The following COMMD1 variants were observed in gnomAD, a reference collection of about 807,000 sequenced individuals.
COMMD1 encodes COMM domain-containing protein 1.
In COMMD1, 10 loss-of-function variants were observed where a neutral mutation model predicts 17.2. The ratio of observed to expected loss-of-function variants is 0.58; its 90% CI spans 0.36 to 0.99. The LOEUF (loss-of-function observed/expected upper bound fraction) is 0.99. Ranked by LOEUF, COMMD1 falls within the 50% of genes least tolerant of loss-of-function variation. The pLI, the probability that COMMD1 is intolerant of heterozygous loss-of-function variation, is 0.01. For missense variants in COMMD1, 270 were observed against 231.8 expected (o/e 1.17, Z -1.07); for synonymous variants, 97 against 91.6 (o/e 1.06, Z -0.34).
intron 2 of COMMD1, among the ~76,000 whole-genome samples, chr2:62,084,450 T>C (rs1671605177): frequency 6.6e-6 from 1 of 152,158 alleles, no homozygotes; most frequent in African/African-American, 2.4e-5. Flanking sequence ...TAGAAGTAGA[T>C]CCTCATAAAG....
chr2:62,080,466 C>T (rs1671485340), intron 2 of COMMD1, among the ~76,000 whole-genome samples: 1 of 152,020 alleles, frequency 6.6e-6, no homozygotes, highest in African/African-American at 2.4e-5. Context: ...TACATTTGGG[C>T]CATGTTGTGG....
At chr2:61,903,343 C>T (rs1446046719), upstream of COMMD1, among the ~76,000 whole-genome samples, 1 of 151,402 alleles carries the variant, frequency 6.6e-6, no homozygotes, top group Non-Finnish European at 1.5e-5. Context: ...ACTTGGGAGG[C>T]TGAGGCAGGA....
chr2:61,908,617 G>C (rs947811187), intron 1 of COMMD1, among the ~76,000 whole-genome samples: 1 of 151,844 alleles, frequency 6.6e-6, no homozygotes. Context: ...CCAGAGTGCA[G>C]TGGCGTGATC....
Position 62,097,339 on chromosome 2 carries a change from G to A in COMMD1, c.463-38492G>A, listed in dbSNP as rs142438041. Among the ~76,000 whole-genome samples, 12 of 152,260 alleles carry A rather than the reference G, an allele frequency of 7.9e-5. No individual in the cohort carries two copies. In the East Asian group the frequency reaches 2.1e-3, roughly 27 times the overall value. On this transcript the variant is annotated intron_variant, in intron 2 of 2. Coordinates refer to ENST00000311832, the MANE Select transcript of COMMD1 (RefSeq NM_152516.4). The stretch of plus-strand genomic sequence containing the variant: ...CAGGTCTTCGGGGCTATTGCCTTAC[G>A]TTTGGCAGGGGTTTGGATTTACTTA...
At chr2:62,129,878 A>G (rs929342769) in intron 2 of COMMD1, among the ~76,000 whole-genome samples, 1 of 152,222 alleles carries the variant, frequency 6.6e-6, no homozygotes, top group Non-Finnish European at 1.5e-5. Flanking sequence ...TTTGTGCTCA[A>G]TAAAGAGTCC....
intron 1 of COMMD1, among the ~76,000 whole-genome samples, chr2:61,909,820 G>A (rs190947871): frequency 5.9e-5 from 9 of 152,310 alleles, no homozygotes; most frequent in African/African-American, 1.2e-4. Flanking sequence ...GCGGACACAC[G>A]TGTTAACAGC....
chr2:62,131,531 C>T lies in COMMD1; in HGVS notation c.463-4300C>T, dbSNP rs148756912. Among the ~76,000 whole-genome samples the T allele has an allele frequency of 2.9e-3, 445 of 151,818 alleles. 1 individual carries two copies. Among genetic ancestry groups the T allele is most frequent in the African/African-American group, 0.01 (423 of 41,406 alleles). On this transcript the variant is annotated intron_variant, in intron 2 of 2. Transcript: ENST00000311832. ...TTTCTTTTCTTTTCTTTTTCCTTTT[C>T]CTTTCCCTTTCCCTTTCCCTTCTTT...
At chr2:62,045,222 T>C (rs749688978) in intron 2 of COMMD1, among the ~76,000 whole-genome samples, 6 of 152,070 alleles carry the variant, frequency 3.9e-5, no homozygotes, top group Non-Finnish European at 5.9e-5. Context: ...GCTGAGTCTG[T>C]CTCTGGTGGA....
At chr2:62,065,361 T>G (rs906291063) in intron 2 of COMMD1, among the ~76,000 whole-genome samples, 1 of 147,814 alleles carries the variant, frequency 6.8e-6, no homozygotes, top group Non-Finnish European at 1.5e-5. Context: ...TTTTTTTTTT[T>G]TTTAGATAGG....
rs140549625 is a variant in COMMD1 at position 61,907,354 on chromosome 2, C to T, written c.180+1496C>T. On this transcript the variant is annotated intron_variant, in intron 1 of 2. Coordinates refer to ENST00000311832, the MANE Select transcript of COMMD1 (RefSeq NM_152516.4). ...TCTCCTGACTTCGTTATCCGCCTGC[C>T]TCGGCCTCCCGGAGTGCCAGGATTA... 7.0e-3 allele frequency among the ~76,000 whole-genome samples: 1,067 copies of T among 152,320 alleles called. 13 individuals are homozygous for T. Among genetic ancestry groups the T allele is most frequent in the Middle Eastern group, 0.024 (7 of 294 alleles).
chr2:62,103,957 C>T (rs1464418420), intron 2 of COMMD1, among the ~76,000 whole-genome samples: 1 of 152,218 alleles, frequency 6.6e-6, no homozygotes, highest in East Asian at 1.9e-4. Context: ...TCTCCCACCT[C>T]AGCCTCCCAA....
At chr2:61,945,629 C>T (rs1176647785) in intron 1 of COMMD1, among the ~76,000 whole-genome samples, 1 of 152,196 alleles carries the variant, frequency 6.6e-6, no homozygotes, top group Non-Finnish European at 1.5e-5. Context: ...GACATAGCCT[C>T]AGGACGTCCT....
At chr2:62,012,270 T>TACACACACACAC (rs57739132) in intron 2 of COMMD1, among the ~76,000 whole-genome samples, 30 of 129,936 alleles carry the variant, frequency 2.3e-4, no homozygotes, top group Admixed American at 4.7e-4. Flanking sequence ...CACACACACA[T>TACACACACACAC]ACACACACAC....
At chr2:61,901,464 A>G (rs1459970948), upstream of COMMD1, among the ~76,000 whole-genome samples, 2 of 151,850 alleles carry the variant, frequency 1.3e-5, no homozygotes, top group African/African-American at 4.8e-5. Flanking sequence ...CTCCACTAAA[A>G]ATACAAAAAT....
At chr2:62,086,236 G>A (rs372540118) in intron 2 of COMMD1, among the ~76,000 whole-genome samples, 4 of 152,042 alleles carry the variant, frequency 2.6e-5, no homozygotes, top group Admixed American at 6.6e-5. Flanking sequence ...GTGGCCGGGC[G>A]CGGTGGCTCA....
intron 1 of COMMD1, among the ~76,000 whole-genome samples, chr2:61,981,768 A>C (rs1481251002): frequency 2.0e-5 from 3 of 152,136 alleles, no homozygotes; most frequent in Non-Finnish European, 4.4e-5. Context: ...TATTACGAGA[A>C]CAGCATGGGA....
At chr2:61,946,138 G>A (rs1247583009) in intron 1 of COMMD1, among the ~76,000 whole-genome samples, 1 of 152,110 alleles carries the variant, frequency 6.6e-6, no homozygotes, top group Admixed American at 6.5e-5. Context: ...TATAACTTAA[G>A]AGAAGGTTAA....
At chr2:62,059,541 C>T (rs1449051663) in intron 2 of COMMD1, among the ~76,000 whole-genome samples, 1 of 152,044 alleles carries the variant, frequency 6.6e-6, no homozygotes, top group Admixed American at 6.6e-5. Flanking sequence ...AGCCTCTCCC[C>T]ATTTTTTCCC....
intron 1 of COMMD1, among the ~76,000 whole-genome samples, chr2:61,950,856 G>A (rs903997083): frequency 2.0e-5 from 3 of 152,146 alleles, no homozygotes; most frequent in African/African-American, 4.8e-5. Context: ...TCAGATTGGC[G>A]CACAAGTTAA....
Sources: allele counts gnomAD v4.1 joint callset (sites outside exome capture counted in the v4.1 genomes callset), GRCh38; gene constraint gnomAD v4.1.1; transcripts MANE v1.5; gene names NCBI Gene and HGNC (gene_info 2026-07-23, HGNC 2026-07-21).